RPAP3: variants seen among roughly 807,000 people sequenced by gnomAD.
The protein encoded by RPAP3 is RNA polymerase II-associated protein 3.
A neutral mutation model predicts 88.8 loss-of-function variants in RPAP3; 58 were observed. The ratio of observed to expected loss-of-function variants is 0.65; its 90% confidence interval spans 0.53 to 0.81. The LOEUF is 0.81. RPAP3 is among the 40% of genes least tolerant of loss of function. The probability of loss-of-function intolerance (pLI) is 0.00; values close to 1 mark genes in which losing one functional copy is unlikely to be tolerated. For missense variants in RPAP3, 751 were observed against 764.3 expected (o/e 0.98, Z 0.20); for synonymous variants, 255 against 259.9 (o/e 0.98, Z 0.18).
At chr12:47,664,944 G>C (rs538911128) in intron 16 of RPAP3, 1 of 152,204 alleles carries the variant, frequency 6.6e-6, no homozygotes, top group Admixed American at 6.5e-5. Context: ...AGAGGTTCAT[G>C]GGGGGTCAGT....
In RPAP3 at chr12:47,689,182, T is replaced by A. The variant is rs377363607; in HGVS notation, c.681A>T (p.Val227=). 1.3e-4 allele frequency: 186 copies of A among 1,408,134 alleles called. No individual in the cohort carries two copies. Among genetic ancestry groups the A allele is most frequent in the Non-Finnish European group, 1.7e-4 (174 of 1,012,140 alleles). The allele number at this position is 1,408,134 out of a possible 1,614,324, so 87.2% of individuals were successfully genotyped here. The change falls in exon 7 of 17, where the codon GTA becomes GTT. Residue 227 remains valine (V), a synonymous_variant. Coordinates refer to ENST00000005386, the MANE Select transcript of RPAP3 (RefSeq NM_024604.3). Reference sequence around the variant, plus strand: ...CAAAGTTATTTGGTTCTAGTTCTAATACTCTTTCATAATCTAAGTAAAAGA... The same window carrying A: ...CAAAGTTATTTGGTTCTAGTTCTAAAACTCTTTCATAATCTAAGTAAAAGA... The part of the protein sequence containing the change: ...LEEAKKDYER[V]LELEPNNFEA...
intron 5 of RPAP3, among the ~76,000 whole-genome samples, chr12:47,693,128 G>A (rs12820269): frequency 0.2 from 30,092 of 151,984 alleles, 3,029 homozygotes; most frequent in African/African-American, 0.26. Context: ...TGATCCGCCC[G>A]CCTCAGCCTC....
chr12:47,699,572 A>C (rs1004432611), intron 3 of RPAP3: 3 of 152,208 alleles, frequency 2.0e-5, no homozygotes, highest in African/African-American at 7.2e-5. Context: ...CCACACAAAT[A>C]ATTTGGAAAA....
At chr12:47,667,567 A>G (rs996759104) in intron 15 of RPAP3, among the ~76,000 whole-genome samples, 187 bp downstream of exon 15, 4 of 152,224 alleles carry the variant, frequency 2.6e-5, no homozygotes, top group Non-Finnish European at 5.9e-5. Context: ...CAATAGGTTC[A>G]GGAAAACTGT....
At chr12:47,677,373 A>G (rs558038835) in intron 12 of RPAP3, among the ~76,000 whole-genome samples, 192 of 152,096 alleles carry the variant, frequency 1.3e-3, no homozygotes, top group African/African-American at 4.5e-3. Context: ...ATTCAACACA[A>G]TGTCGGAAGT....
intron 10 of RPAP3, among the ~76,000 whole-genome samples, chr12:47,680,977 A>AC (rs1454225501): frequency 3.9e-4 from 59 of 152,086 alleles, no homozygotes; most frequent in African/African-American, 1.4e-3. Context: ...ACGAAACAAA[A>AC]AAAAAAAAAC....
intron 12 of RPAP3, among the ~76,000 whole-genome samples, chr12:47,677,782 G>A (rs1180571816): frequency 1.3e-5 from 2 of 152,228 alleles, no homozygotes; most frequent in Non-Finnish European, 2.9e-5. Flanking sequence ...CCATGCTCAT[G>A]GATAGGAAGA....
chr12:47,668,869 C>A (rs758428244), intron 14 of RPAP3, 47 bp downstream of exon 14: 1 of 1,439,130 alleles, frequency 6.9e-7, no homozygotes, highest in Non-Finnish European at 9.8e-7. Context: ...GACAGAAGTT[C>A]TCTGACCTTT....
chr12:47,686,856 T>A lies in RPAP3; in HGVS notation c.916A>T (p.Thr306Ser). 1 of 1,592,920 alleles carries A rather than the reference T, an allele frequency of 6.3e-7. No homozygotes were observed. Among genetic ancestry groups the A allele is most frequent in the South Asian group, 1.1e-5 (1 of 89,920 alleles). Reference protein sequence around the residue: ...GKYERAIECYTRGIAADGANA... With the variant: ...GKYERAIECYSRGIAADGANA... ...GCACCATCTGCTGCTATCCCTCGAG[T>A]ATAGCATTCAATTGCTCTTTCATAT... Residue 306 changes from threonine to serine, a missense_variant, in exon 9 of 17, where the codon ACT becomes TCT. Transcript: ENST00000005386.
intron 12 of RPAP3, among the ~76,000 whole-genome samples, chr12:47,676,646 G>A (rs1038467185): frequency 1.3e-5 from 2 of 152,144 alleles, no homozygotes; most frequent in African/African-American, 4.8e-5. Flanking sequence ...AGAAAATGTA[G>A]GAGGAATGGA....
chr12:47,663,445 T>C lies in RPAP3; in HGVS notation c.*60A>G. 3 of 1,088,890 alleles carry C rather than the reference T, an allele frequency of 2.8e-6. No individual in the cohort carries two copies. Among genetic ancestry groups the C allele is most frequent in the South Asian group, 1.4e-5 (1 of 73,450 alleles). 67.5% of individuals were successfully genotyped at this position (1,088,890 alleles called of 1,614,324 possible). On this transcript the variant is annotated 3_prime_UTR_variant, in exon 17 of 17. Transcript: ENST00000005386. ...TTCATTTTCTTAAAAAGCAAAACAC[T>C]TTCAGTAGAAAAAATTTACATATGA...
At chr12:47,701,374 T>C (rs1565724597) in intron 3 of RPAP3, 90 bp downstream of exon 3, 1 of 899,488 alleles carries the variant, frequency 1.1e-6, no homozygotes, top group East Asian at 2.7e-5. Flanking sequence ...GCCATAACTC[T>C]ACATTATTTT....
chr12:47,698,802 G>C (rs1458397071), intron 3 of RPAP3, among the ~76,000 whole-genome samples: 1 of 152,044 alleles, frequency 6.6e-6, no homozygotes, highest in African/African-American at 2.4e-5. Context: ...GTAAGCCACC[G>C]TGACGACCAT....
intron 1 of RPAP3, among the ~76,000 whole-genome samples, chr12:47,704,533 TA>T (rs1939735523): frequency 6.7e-6 from 1 of 149,016 alleles, no homozygotes; most frequent in African/African-American, 2.4e-5. Context: ...CACGCCCGGC[TA>T]ATTTTTGTAT....
intron 16 of RPAP3, among the ~76,000 whole-genome samples, chr12:47,665,758 AG>A (rs1057354581): frequency 6.6e-6 from 1 of 151,922 alleles, no homozygotes; most frequent in Admixed American, 6.6e-5. Context: ...CTCCCACCTC[AG>A]CCCCCCTAGT....
At chr12:47,699,260 G>C (rs1939602065) in intron 3 of RPAP3, 1 of 152,206 alleles carries the variant, frequency 6.6e-6, no homozygotes, top group Admixed American at 6.5e-5. Context: ...GTAAATGCCA[G>C]TGTAGAAAAC....
At chr12:47,691,547 G>T (rs950949077) in intron 5 of RPAP3, among the ~76,000 whole-genome samples, 2 of 152,090 alleles carry the variant, frequency 1.3e-5, no homozygotes, top group African/African-American at 4.8e-5. Flanking sequence ...GAGGAATCAC[G>T]ATCTATGACA....
In RPAP3 at chr12:47,702,631, T is replaced by C. The variant is rs534295792; in HGVS notation, c.153+57A>G. On this transcript the variant is annotated intron_variant, in intron 2 of 16. Transcript: ENST00000005386. ...TTTCACAAAACATTTTTAAAAGTTA[T>C]GCTTTATTTTTATAAAATTAGTTTT... 14 of 1,331,800 alleles carry C rather than the reference T, an allele frequency of 1.1e-5. No homozygotes were observed. The South Asian group carries it at 2.0e-4, about 19-fold the overall frequency. The allele number at this position is 1,331,800 out of a possible 1,614,324, so 82.5% of individuals were successfully genotyped here.
chr12:47,671,434 T>C (rs1220083148), intron 12 of RPAP3, among the ~76,000 whole-genome samples: 1 of 152,210 alleles, frequency 6.6e-6, no homozygotes, highest in African/African-American at 2.4e-5. Context: ...AAGTTGTAAA[T>C]ATAAGCACTT....
Sources: allele counts gnomAD v4.1 joint callset (sites outside exome capture counted in the v4.1 genomes callset), GRCh38; gene constraint gnomAD v4.1.1; transcripts MANE v1.5; gene names NCBI Gene and HGNC (gene_info 2026-07-23, HGNC 2026-07-21).